TBCK: variants seen among roughly 807,000 people sequenced by gnomAD.
TBCK encodes TBC1 domain containing kinase.
In TBCK, 99 loss-of-function variants were observed where a neutral mutation model predicts 113.4. That is an observed-to-expected ratio of 0.87 (90% CI 0.74 to 1.03). The LOEUF is 1.03. Ranked by LOEUF, TBCK falls within the 50% of genes least tolerant of loss-of-function variation. The probability of loss-of-function intolerance (pLI) is 0.00; values close to 1 mark genes in which losing one functional copy is unlikely to be tolerated. For synonymous variants in TBCK, 369 were observed against 370.8 expected (o/e 1.00, Z 0.05); for missense variants, 1,045 against 1,061.3 (o/e 0.98, Z 0.21).
chr4:106,080,965 A>G (rs1395449231), intron 25 of TBCK, among the ~76,000 whole-genome samples: 1 of 152,248 alleles, frequency 6.6e-6, no homozygotes, highest in African/African-American at 2.4e-5. Context: ...TAAAACCTCA[A>G]TGAGATACCA....
At position 106,090,302 on chromosome 4, in the gene TBCK, C is replaced by T. The variant is rs190243225; in HGVS notation, c.2571+5180G>A. 1.3e-4 allele frequency among the ~76,000 whole-genome samples: 20 copies of T among 152,278 alleles called. No homozygotes were observed. In the East Asian group the frequency reaches 3.1e-3, roughly 24 times the overall value. On this transcript the variant is annotated intron_variant, in intron 25 of 25. Transcript: ENST00000394708. ...GCTGTGGCCGGAGCCTGAGTGGTCA[C>T]GATGCAGGGAGCACTGTCCTGAGGC... is the stretch of plus-strand genomic sequence containing the variant.
intron 25 of TBCK, among the ~76,000 whole-genome samples, chr4:106,093,691 G>T (rs1287052603): frequency 6.6e-6 from 1 of 152,130 alleles, no homozygotes; most frequent in Non-Finnish European, 1.5e-5. Flanking sequence ...TGGAGGGTGG[G>T]AGGAGGAAGA....
chr4:106,112,169 A>G (rs1439909475), intron 24 of TBCK, among the ~76,000 whole-genome samples: 1 of 152,234 alleles, frequency 6.6e-6, no homozygotes, highest in Non-Finnish European at 1.5e-5. Flanking sequence ...GTTAGTCAGT[A>G]AAGTCATTTA....
chr4:106,287,652 C>T (rs1489808947), intron 3 of TBCK, among the ~76,000 whole-genome samples: 15 of 152,308 alleles, frequency 9.8e-5, no homozygotes, highest in African/African-American at 3.6e-4. Context: ...TGAGAGAAGC[C>T]AACCACCATG....
At chr4:106,080,200 C>CAAAAA (rs113225137) in intron 25 of TBCK, among the ~76,000 whole-genome samples, 16 of 140,362 alleles carry the variant, frequency 1.1e-4, no homozygotes, top group African/African-American at 3.9e-4. Flanking sequence ...TGGCATGAAC[C>CAAAAA]AAAAAAAAAA....
chr4:106,206,626 C>T (rs943107104), intron 20 of TBCK, among the ~76,000 whole-genome samples: 7 of 152,128 alleles, frequency 4.6e-5, no homozygotes, highest in African/African-American at 1.4e-4. Context: ...CCTGTAATTA[C>T]ATCTTGATAA....
rs765813429 is a variant in TBCK, at chr4:106,308,927, A to C, written c.34T>G (p.Phe12Val). 4 of 1,614,110 alleles carry C rather than the reference A, an allele frequency of 2.5e-6. No individual in the cohort carries two copies. In the South Asian group the frequency reaches 3.3e-5, roughly 13 times the overall value. Reference protein sequence around the residue: ...FPLKDAEMGAFTFFASALPHD... With the variant: ...FPLKDAEMGAVTFFASALPHD... ...GGCAGAGCCGAGGCAAAGAAGGTAA[A>C]GGCTCCCATTTCAGCGTCCTTCAGG... Residue 12 changes from phenylalanine to valine, a missense_variant, in exon 2 of 26, where the codon TTT becomes GTT. Phe to Val is a conservative substitution (Grantham distance 50, BLOSUM62 -1). Coordinates refer to ENST00000394708, the MANE Select transcript of TBCK (RefSeq NM_001163435.3).
intron 25 of TBCK, among the ~76,000 whole-genome samples, chr4:106,080,968 A>G (rs1738788064): frequency 6.6e-6 from 1 of 152,244 alleles, no homozygotes; most frequent in South Asian, 2.1e-4. Context: ...AACCTCAATG[A>G]GATACCATCT....
chr4:106,230,849 C>T (rs1180857506), intron 18 of TBCK, among the ~76,000 whole-genome samples: 1 of 151,746 alleles, frequency 6.6e-6, no homozygotes, highest in Non-Finnish European at 1.5e-5. Flanking sequence ...TGTTATAATT[C>T]ACATTTTCAA....
intron 20 of TBCK, among the ~76,000 whole-genome samples, chr4:106,195,092 C>T (rs1431757192): frequency 1.3e-5 from 2 of 152,064 alleles, no homozygotes. Context: ...AAATCTTCCA[C>T]CATGTGGCTA....
chr4:106,235,404 T>G, intron 14 of TBCK, 37 bp from the exon 15 acceptor site: 1 of 1,400,442 alleles, frequency 7.1e-7, no homozygotes. Flanking sequence ...CGTCTCAAAT[T>G]ACCTAGTGCC....
At chr4:106,116,158 C>T (rs753919080) in intron 24 of TBCK, 45 bp downstream of exon 24, 1 of 1,549,128 alleles carries the variant, frequency 6.5e-7, no homozygotes, top group Non-Finnish European at 8.8e-7. Flanking sequence ...GGATGCAATA[C>T]AAATAAGCAG....
intron 3 of TBCK, among the ~76,000 whole-genome samples, chr4:106,287,486 T>C (rs1765231576): frequency 6.6e-6 from 1 of 152,212 alleles, no homozygotes; most frequent in Non-Finnish European, 1.5e-5. Context: ...TGTGCATTCT[T>C]GAGCAATCCT....
rs568821587 is a variant in TBCK, at chr4:106,125,053, G to A, written c.2236-8675C>T. On this transcript the variant is annotated intron_variant, in intron 23 of 25. Transcript: ENST00000394708. ...TCATCTCACCTGGGTTAAAATTGCC[G>A]TTATCAAAAAGGCAAAAAGCATGGA... is the stretch of plus-strand genomic sequence containing the variant. 6.7e-4 allele frequency among the ~76,000 whole-genome samples: 102 copies of A among 151,444 alleles called. 3 individuals carry two copies. Among genetic ancestry groups the A allele is most frequent in the Admixed American group, 1.7e-3 (26 of 15,204 alleles).
At chr4:106,083,866 A>C (rs936793692) in intron 25 of TBCK, among the ~76,000 whole-genome samples, 1 of 152,226 alleles carries the variant, frequency 6.6e-6, no homozygotes, top group Non-Finnish European at 1.5e-5. Context: ...CTATTGAAAC[A>C]AAAACAAGTA....
intron 3 of TBCK, among the ~76,000 whole-genome samples, chr4:106,272,873 G>A (rs749373677): frequency 1.3e-5 from 2 of 152,038 alleles, no homozygotes; most frequent in African/African-American, 2.4e-5. Context: ...CAAACCAATC[G>A]CGTGGGTAAG....
At chr4:106,116,126 A>T (rs1232086983) in intron 24 of TBCK, 77 bp downstream of exon 24, 2 of 1,398,054 alleles carry the variant, frequency 1.4e-6, no homozygotes, top group African/African-American at 2.9e-5. Context: ...TTTTTTTTTA[A>T]CCACACAACA....
At chr4:106,260,713 A>G (rs1409100646) in intron 4 of TBCK, among the ~76,000 whole-genome samples, 1 of 151,954 alleles carries the variant, frequency 6.6e-6, no homozygotes, top group African/African-American at 2.4e-5. Context: ...ATACTCATTA[A>G]ATATGTATAT....
chr4:106,312,882 T>C (rs1579605865), intron 1 of TBCK, among the ~76,000 whole-genome samples: 2 of 152,236 alleles, frequency 1.3e-5, no homozygotes, highest in East Asian at 1.9e-4. Flanking sequence ...TTCTAAACTA[T>C]AGTATTAATA....
Sources: gnomAD v4.1 joint callset for allele counts (sites outside exome capture counted in the v4.1 genomes callset) on GRCh38, gnomAD v4.1.1 for gene constraint, MANE v1.5 for transcripts, NCBI Gene and HGNC (gene_info 2026-07-23, HGNC 2026-07-21) for gene names.